Variants in DRC2 observed in about 807,000 individuals in gnomAD.
DRC2 encodes the protein coiled-coil domain containing 65.
chr12:48,921,298 A>G, the DRC2 span: 5 of 1,614,222 alleles, frequency 3.1e-6, no homozygotes, highest in East Asian at 8.9e-5. Context: ...GAGATGCTGA[A>G]GCAGTACTTG....
At chr12:48,911,927 T>A in the DRC2 span, among the ~76,000 whole-genome samples, 1 of 151,998 alleles carries the variant, frequency 6.6e-6, no homozygotes, top group Non-Finnish European at 1.5e-5. Context: ...TTAAAAAAAA[T>A]TGGTTGTCTG....
At chr12:48,913,925 CTTTTTTTTTT>C in the DRC2 span, among the ~76,000 whole-genome samples, 25 of 96,000 alleles carry the variant, frequency 2.6e-4, no homozygotes, top group African/African-American at 1.0e-3. Context: ...CGTGCCCAGT[CTTTTTTTTTT>C]TTTTTTTTTT....
At chr12:48,916,462 T>G in the DRC2 span, among the ~76,000 whole-genome samples, 1 of 151,180 alleles carries the variant, frequency 6.6e-6, no homozygotes, top group African/African-American at 2.4e-5. Flanking sequence ...CAGTCAGGCG[T>G]GGAGGCGCGC....
At chr12:48,906,280 C>T in the DRC2 span, among the ~76,000 whole-genome samples, 1 of 151,950 alleles carries the variant, frequency 6.6e-6, no homozygotes, top group Admixed American at 6.6e-5. Flanking sequence ...AGTCCACATA[C>T]CCCACCAGTT....
chr12:48,909,244 T>C, the DRC2 span, among the ~76,000 whole-genome samples: 6 of 151,480 alleles, frequency 4.0e-5, no homozygotes, highest in African/African-American at 1.5e-4. Flanking sequence ...GGTTTCTCTA[T>C]GTTGGTCAGG....
chr12:48,910,872 C>G, the DRC2 span, among the ~76,000 whole-genome samples: 1 of 152,102 alleles, frequency 6.6e-6, no homozygotes, highest in East Asian at 1.9e-4. Flanking sequence ...TGGTAAAACC[C>G]TGTCTCTACT....
the DRC2 span, chr12:48,905,222 C>G: frequency 1.0e-6 from 1 of 979,620 alleles, no homozygotes; most frequent in East Asian, 2.5e-5. Context: ...TGTGAGAAAG[C>G]CAGGCTATTG....
chr12:48,918,811 A>G, the DRC2 span: 13 of 1,614,042 alleles, frequency 8.1e-6, no homozygotes, highest in Non-Finnish European at 1.0e-5. Flanking sequence ...GGCCCAAAGA[A>G]CTCAGGCCCG....
the DRC2 span, chr12:48,918,608 G>A: frequency 1.3e-6 from 2 of 1,512,472 alleles, no homozygotes; most frequent in Middle Eastern, 2.4e-4. Flanking sequence ...TCAGTCCCCA[G>A]GCAGCCCTTT....
At chr12:48,908,570 GATTATTATTATT>G in the DRC2 span, among the ~76,000 whole-genome samples, 241 of 141,060 alleles carry the variant, frequency 1.7e-3, no homozygotes, top group Middle Eastern at 3.6e-3. Context: ...GAACTACCAG[GATTATTATTATT>G]ATTATTATTA....
At chr12:48,911,330 C>T in the DRC2 span, among the ~76,000 whole-genome samples, 2 of 151,860 alleles carry the variant, frequency 1.3e-5, no homozygotes, top group Non-Finnish European at 2.9e-5. Context: ...GAGGCTGAGG[C>T]GGCAGATCCT....
the DRC2 span, among the ~76,000 whole-genome samples, chr12:48,910,920 C>G: frequency 3.3e-5 from 5 of 152,036 alleles, no homozygotes; most frequent in African/African-American, 1.2e-4. Context: ...TGGTATGTGC[C>G]TATAGTCCCA....
chr12:48,917,133 A>G, the DRC2 span: 1 of 1,612,826 alleles, frequency 6.2e-7, no homozygotes. Flanking sequence ...TAGATAGGCA[A>G]GAAGTGGGAG....
At chr12:48,921,005 T>A in the DRC2 span, 2 of 1,613,878 alleles carry the variant, frequency 1.2e-6, no homozygotes, top group Non-Finnish European at 1.7e-6. Flanking sequence ...GCCTTTTTAT[T>A]CATCAGTATT....
At chr12:48,905,995 TCTC>T in the DRC2 span, among the ~76,000 whole-genome samples, 8 of 152,196 alleles carry the variant, frequency 5.3e-5, no homozygotes, top group African/African-American at 1.7e-4. Context: ...ATGGTCTCGA[TCTC>T]CTGACCTTGT....
At chr12:48,910,541 CTT>C in the DRC2 span, among the ~76,000 whole-genome samples, 4 of 152,100 alleles carry the variant, frequency 2.6e-5, no homozygotes, top group African/African-American at 4.8e-5. Flanking sequence ...TCTGTTTAAT[CTT>C]GTTTTACTTT....
chr12:48,912,437 C>CAAAAAAAAAAAAAAAAAAAAAAAAAAA, the DRC2 span, among the ~76,000 whole-genome samples: 12 of 45,360 alleles, frequency 2.6e-4, 2 homozygotes, highest in African/African-American at 6.8e-4. Flanking sequence ...GACGCCGTCT[C>CAAAAAAAAAAAAAAAAAAAAAAAAAAA]AAAAAAAAAA....
the DRC2 span, among the ~76,000 whole-genome samples, chr12:48,909,971 G>A: frequency 6.6e-6 from 1 of 151,734 alleles, no homozygotes; most frequent in South Asian, 2.1e-4. Flanking sequence ...GTAGAGACGG[G>A]GCTTCATCAT....
the DRC2 span, chr12:48,916,829 A>T: frequency 1.1e-5 from 8 of 710,192 alleles, no homozygotes; most frequent in African/African-American, 3.6e-5. Flanking sequence ...CCCTAAAAAG[A>T]GTAAAGCCTT....
Sources: allele counts gnomAD v4.1 joint callset (sites outside exome capture counted in the v4.1 genomes callset), GRCh38; gene constraint gnomAD v4.1.1; transcripts MANE v1.5; gene names NCBI Gene and HGNC (gene_info 2026-07-23, HGNC 2026-07-21).